KLRG2: variants seen among roughly 807,000 people sequenced by gnomAD.
KLRG2 encodes killer cell lectin-like receptor subfamily G member 2.
A neutral mutation model predicts 35.4 loss-of-function variants in KLRG2; 39 were observed. The ratio of observed to expected loss-of-function variants is 1.10; its 90% CI spans 0.85 to 1.44. The LOEUF (loss-of-function observed/expected upper bound fraction) is 1.44. Among genes scored for constraint, KLRG2 ranks in the 40% most tolerant of loss-of-function variants. The probability of loss-of-function intolerance (pLI) is 0.00; values close to 1 mark genes in which losing one functional copy is unlikely to be tolerated. For synonymous variants in KLRG2, 283 were observed against 265.8 expected (o/e 1.06, Z -0.63); for missense variants, 632 against 570.9 (o/e 1.11, Z -1.09).
At chr7:139,445,781 G>GTGTATATATATA in the KLRG2 span, among the ~76,000 whole-genome samples, 10 of 98,478 alleles carry the variant, frequency 1.0e-4, 1 homozygote, top group African/African-American at 6.1e-4. Flanking sequence ...ATATATATAT[G>GTGTATATATATA]TATATATATA....
At chr7:139,431,900 G>A in the KLRG2 span, among the ~76,000 whole-genome samples, 2 of 152,104 alleles carry the variant, frequency 1.3e-5, no homozygotes, top group Admixed American at 6.6e-5. Context: ...GTTGCAGGAA[G>A]CATTTCTGAA....
intron 3 of KLRG2, among the ~76,000 whole-genome samples, chr7:139,467,763 A>G (rs1796690280): frequency 6.6e-6 from 1 of 152,050 alleles, no homozygotes; most frequent in African/African-American, 2.4e-5. Flanking sequence ...CCCATGGGAT[A>G]GTCTGAAATA....
At chr7:139,450,324 C>T (rs573998907), downstream of KLRG2, among the ~76,000 whole-genome samples, 11 of 151,350 alleles carry the variant, frequency 7.3e-5, no homozygotes, top group South Asian at 1.9e-3. Context: ...CCTGGGTTCA[C>T]GCCATTCTCC....
intron 3 of KLRG2, among the ~76,000 whole-genome samples, chr7:139,462,851 A>G (rs1360355801): frequency 2.0e-5 from 3 of 151,744 alleles, no homozygotes; most frequent in African/African-American, 4.8e-5. Flanking sequence ...CTCAGTCCCA[A>G]CCCCAAGCAT....
chr7:139,464,509 C>G (rs1162172381), intron 3 of KLRG2, among the ~76,000 whole-genome samples: 14 of 152,170 alleles, frequency 9.2e-5, no homozygotes, highest in Admixed American at 8.5e-4. Context: ...CTCCACAACC[C>G]ATTATTCTAT....
chr7:139,430,059 G>C, the KLRG2 span, among the ~76,000 whole-genome samples: 45 of 152,312 alleles, frequency 3.0e-4, no homozygotes, highest in South Asian at 1.7e-3. Context: ...ATATTCAGAT[G>C]GCCGTTGAGC....
chr7:139,457,718 T>C (rs1161111940), intron 3 of KLRG2, among the ~76,000 whole-genome samples: 1 of 152,134 alleles, frequency 6.6e-6, no homozygotes, highest in East Asian at 1.9e-4. Flanking sequence ...GGCCTCCTGG[T>C]GACGGGAGCT....
chr7:139,479,579 T>C, intron 3 of KLRG2, 48 bp downstream of exon 3: 11 of 1,558,940 alleles, frequency 7.1e-6, no homozygotes, highest in Non-Finnish European at 9.6e-6. Flanking sequence ...TAGGATTCTG[T>C]GGTCTAGAAA....
At chr7:139,478,727 C>G (rs902475484) in intron 3 of KLRG2, among the ~76,000 whole-genome samples, 2 of 152,050 alleles carry the variant, frequency 1.3e-5, no homozygotes, top group African/African-American at 4.8e-5. Context: ...ATCTATTGGT[C>G]CCTTTTTGTA....
chr7:139,479,713 A>T lies in KLRG2; in HGVS notation c.919T>A (p.Phe307Ile). ...WVLSEEHCYY[F>I]SAEAQAWEAS... ...TCCCAGGCCTGCGCTTCTGCAGAGA[A>T]GTAGTAACAGTGCTCCTCGGACAAC... The change falls in exon 3 of 5, where the codon TTC becomes ATC. Residue 307 changes from phenylalanine to isoleucine, a missense_variant. Coordinates refer to ENST00000340940, the MANE Select transcript of KLRG2 (RefSeq NM_198508.4). The T allele has an allele frequency of 6.2e-7, 1 of 1,614,088 alleles. No individual in the cohort carries two copies. The highest frequency in any genetic ancestry group is 8.5e-7 in the Non-Finnish European group (1 of 1,180,014).
Position 139,482,914 on chromosome 7 carries a change from C to T in KLRG2, c.729G>A (p.Glu243=), listed in dbSNP as rs1796986194. The part of the protein sequence containing the change: ...LLPRAGLDGD[E]KLPRAVTLTG... ...TAAGCGTTACGGCCCGGGGCAGCTT[C>T]TCGTCGCCGTCCAACCCCGCGCGGG... The change falls in exon 1 of 5, where the codon GAG becomes GAA. Residue 243 remains glutamate, a synonymous_variant. Coordinates refer to ENST00000340940, the MANE Select transcript of KLRG2 (RefSeq NM_198508.4). 1.3e-6 allele frequency: 2 copies of T among 1,492,954 alleles called. No homozygotes were observed. Among genetic ancestry groups the T allele is most frequent in the Admixed American group, 4.6e-5 (2 of 43,644 alleles). 92.5% of individuals were successfully genotyped at this position (1,492,954 alleles called of 1,614,324 possible). A position where few individuals can be genotyped will look rare whatever the true frequency, so the allele number is the denominator to read the frequency against.
At chr7:139,449,917 G>A (rs1796350907), downstream of KLRG2, among the ~76,000 whole-genome samples, 1 of 151,192 alleles carries the variant, frequency 6.6e-6, no homozygotes, top group Non-Finnish European at 1.5e-5. Context: ...TAGCCAGGAT[G>A]GTCTCGATCT....
chr7:139,437,425 CAAAAAAAAAAAAAA>C, the KLRG2 span, among the ~76,000 whole-genome samples: 10 of 73,226 alleles, frequency 1.4e-4, no homozygotes, highest in South Asian at 5.4e-3. Flanking sequence ...ACTCCATCTC[CAAAAAAAAAAAAAA>C]AAAAAAAAAA....
chr7:139,444,071 A>C, the KLRG2 span, among the ~76,000 whole-genome samples: 1 of 152,212 alleles, frequency 6.6e-6, no homozygotes, highest in Non-Finnish European at 1.5e-5. Flanking sequence ...AGCATCCAGC[A>C]CGGGAGAAAG....
chr7:139,450,146 G>C (rs983212204), downstream of KLRG2, among the ~76,000 whole-genome samples: 1 of 141,534 alleles, frequency 7.1e-6, no homozygotes, highest in Non-Finnish European at 1.6e-5. Flanking sequence ...GGGTTCAAGC[G>C]ATTCTCCTGC....
chr7:139,460,522 C>CA (rs1453647964), intron 3 of KLRG2, among the ~76,000 whole-genome samples: 1 of 151,560 alleles, frequency 6.6e-6, no homozygotes, highest in African/African-American at 2.4e-5. Flanking sequence ...TACTAAAAGT[C>CA]AAAAAAATTA....
the KLRG2 span, among the ~76,000 whole-genome samples, chr7:139,446,336 G>T: frequency 1.1e-5 from 1 of 92,050 alleles, no homozygotes; most frequent in Admixed American, 1.5e-4. Flanking sequence ...ATTTTCCAGG[G>T]TTTTTTTTTT....
the KLRG2 span, among the ~76,000 whole-genome samples, chr7:139,437,857 C>G: frequency 6.6e-6 from 1 of 152,246 alleles, no homozygotes; most frequent in African/African-American, 2.4e-5. Flanking sequence ...TTCTTTGCCT[C>G]TCCCTGCATC....
At chr7:139,448,389 A>G (rs1796333539), downstream of KLRG2, among the ~76,000 whole-genome samples, 1 of 152,226 alleles carries the variant, frequency 6.6e-6, no homozygotes, top group South Asian at 2.1e-4. Context: ...CAATTCTGGT[A>G]TCCCAAATAA....
Sources: allele counts gnomAD v4.1 joint callset (sites outside exome capture counted in the v4.1 genomes callset), GRCh38; gene constraint gnomAD v4.1.1; transcripts MANE v1.5; gene names NCBI Gene and HGNC (gene_info 2026-07-23, HGNC 2026-07-21).